Variants in HERPUD2 observed in about 807,000 individuals in gnomAD.
The protein encoded by HERPUD2 is homocysteine-responsive endoplasmic reticulum-resident ubiquitin-like domain member 2 protein.
HERPUD2 carries 13 observed loss-of-function variants against 49.9 expected under a neutral mutation model. That is an observed-to-expected ratio of 0.26 (90% confidence interval 0.17 to 0.41). The LOEUF (loss-of-function observed/expected upper bound fraction) is 0.41. Ranked by LOEUF, HERPUD2 falls within the 10% of genes least tolerant of loss-of-function variation. The pLI is 1.00. For missense variants in HERPUD2, 449 were observed against 492.2 expected (o/e 0.91, Z 0.83); for synonymous variants, 172 against 171.4 (o/e 1.00, Z -0.03).
At chr7:35,683,055 G>T (rs1196926161) in intron 2 of HERPUD2, among the ~76,000 whole-genome samples, 1 of 152,046 alleles carries the variant, frequency 6.6e-6, no homozygotes, top group Non-Finnish European at 1.5e-5. Context: ...ATTCTTCACA[G>T]ATGTAGAAAA....
At chr7:35,649,288 C>G (rs1244016279) in intron 5 of HERPUD2, among the ~76,000 whole-genome samples, 1 of 151,286 alleles carries the variant, frequency 6.6e-6, no homozygotes, top group Non-Finnish European at 1.5e-5. Flanking sequence ...TTATATTTGA[C>G]CTGGAAATAT....
At chr7:35,668,619 A>G (rs892223172) in intron 4 of HERPUD2, 1 of 154,754 alleles carries the variant, frequency 6.5e-6, no homozygotes. Context: ...AAGGTCCAAA[A>G]CTGTCTTTTG....
At chr7:35,684,712 A>G (rs1785995745) in intron 2 of HERPUD2, among the ~76,000 whole-genome samples, 1 of 152,160 alleles carries the variant, frequency 6.6e-6, no homozygotes, top group South Asian at 2.1e-4. Context: ...ACAAAGGCAT[A>G]AGAATGACAC....
At chr7:35,689,183 T>C (rs111445725) in intron 2 of HERPUD2, among the ~76,000 whole-genome samples, 20 of 152,294 alleles carry the variant, frequency 1.3e-4, no homozygotes, top group African/African-American at 4.8e-4. Flanking sequence ...TATTATATTT[T>C]CCAAAAAGAC....
intron 5 of HERPUD2, among the ~76,000 whole-genome samples, chr7:35,661,481 C>T (rs968042218): frequency 9.9e-5 from 15 of 152,150 alleles, no homozygotes; most frequent in Non-Finnish European, 1.8e-4. Flanking sequence ...GCCATTTTCA[C>T]GATATTGATT....
At chr7:35,685,913 G>C (rs1786030849) in intron 2 of HERPUD2, among the ~76,000 whole-genome samples, 1 of 151,778 alleles carries the variant, frequency 6.6e-6, no homozygotes, top group Admixed American at 6.6e-5. Flanking sequence ...GTGAGCCAGG[G>C]TTGTGCCACT....
intron 5 of HERPUD2, among the ~76,000 whole-genome samples, chr7:35,663,517 T>C (rs1275200553): frequency 6.6e-6 from 1 of 152,184 alleles, no homozygotes; most frequent in Non-Finnish European, 1.5e-5. Context: ...AAGTCTCCCA[T>C]TATTATTGCG....
intron 5 of HERPUD2, among the ~76,000 whole-genome samples, chr7:35,659,079 C>T (rs1785351635): frequency 6.6e-6 from 1 of 152,190 alleles, no homozygotes; most frequent in South Asian, 2.1e-4. Context: ...CACATGCAGA[C>T]TAGCTAATTA....
intron 5 of HERPUD2, among the ~76,000 whole-genome samples, chr7:35,652,205 C>A (rs1331745593): frequency 1.3e-5 from 2 of 152,182 alleles, no homozygotes; most frequent in East Asian, 3.8e-4. Context: ...AAATCCACCA[C>A]GGTGCGCTCA....
chr7:35,674,378 CCT>C (rs1491505162), intron 2 of HERPUD2, among the ~76,000 whole-genome samples: 2,033 of 34,714 alleles, frequency 0.059, 184 homozygotes, highest in Middle Eastern at 0.083. Flanking sequence ...AGTCTTACAA[CCT>C]ATATATATAT....
At chr7:35,665,391 C>T (rs1785515436) in intron 5 of HERPUD2, among the ~76,000 whole-genome samples, 1 of 152,212 alleles carries the variant, frequency 6.6e-6, no homozygotes, top group African/African-American at 2.4e-5. Flanking sequence ...ATGAGCAGGG[C>T]TCCTTGGGCA....
intron 5 of HERPUD2, among the ~76,000 whole-genome samples, chr7:35,644,310 C>T (rs1785014173): frequency 6.7e-6 from 1 of 149,840 alleles, no homozygotes; most frequent in South Asian, 2.1e-4. Flanking sequence ...CTAGATCTAA[C>T]TACCAGTTTA....
At chr7:35,646,553 C>A (rs1562670481) in intron 5 of HERPUD2, among the ~76,000 whole-genome samples, 1 of 152,056 alleles carries the variant, frequency 6.6e-6, no homozygotes, top group African/African-American at 2.4e-5. Flanking sequence ...CAGAGTGAGA[C>A]TCCATCTATT....
At chr7:35,671,213 G>A (rs1193132216) in intron 3 of HERPUD2, among the ~76,000 whole-genome samples, 3 of 152,102 alleles carry the variant, frequency 2.0e-5, no homozygotes, top group Admixed American at 1.3e-4. Flanking sequence ...ATCCAAGAAA[G>A]GGTACAACAG....
chr7:35,667,389 T>C, intron 5 of HERPUD2, 45 bp downstream of exon 5: 1 of 1,559,906 alleles, frequency 6.4e-7, no homozygotes, highest in Non-Finnish European at 8.8e-7. Flanking sequence ...AATTCATTTT[T>C]AGGGGGCCCC....
At chr7:35,650,771 A>T (rs976569421) in intron 5 of HERPUD2, among the ~76,000 whole-genome samples, 3 of 152,168 alleles carry the variant, frequency 2.0e-5, no homozygotes, top group African/African-American at 7.2e-5. Flanking sequence ...GACTGTTGTC[A>T]TTGAAAGCAA....
In HERPUD2 at chr7:35,635,432, G is replaced by A. The variant is rs1398508006; in HGVS notation, c.644C>T (p.Thr215Ile). The change falls in exon 7 of 9, where the codon ACA becomes ATA. Residue 215 changes from threonine (T) to isoleucine (I), a missense_variant. Coordinates refer to ENST00000311350, the MANE Select transcript of HERPUD2 (RefSeq NM_022373.5). ...AGGCTGGGTTGGGTTGACATTTGAT[G>A]TGGCCTGAGCTGAAACTGCAGCTTG... ...QYQAAVSAQA[T>I]SNVNPTQPTT... The A allele has an allele frequency of 6.2e-7, 1 of 1,613,966 alleles. No individual in the cohort carries two copies. Among genetic ancestry groups the A allele is most frequent in the Non-Finnish European group, 8.5e-7 (1 of 1,179,940 alleles).
chr7:35,660,002 A>G (rs963942503), intron 5 of HERPUD2, among the ~76,000 whole-genome samples: 2 of 151,950 alleles, frequency 1.3e-5, no homozygotes, highest in Non-Finnish European at 2.9e-5. Context: ...TACATTAGGT[A>G]TATCTCCTAA....
intron 5 of HERPUD2, among the ~76,000 whole-genome samples, chr7:35,653,653 G>A (rs1247900420): frequency 2.6e-5 from 4 of 151,718 alleles, no homozygotes; most frequent in African/African-American, 9.7e-5. Context: ...TAGACTGTAT[G>A]TTAGGCCACA....
Sources: gnomAD v4.1 joint callset for allele counts (sites outside exome capture counted in the v4.1 genomes callset) on GRCh38, gnomAD v4.1.1 for gene constraint, MANE v1.5 for transcripts, NCBI Gene and HGNC (gene_info 2026-07-23, HGNC 2026-07-21) for gene names.